The following ABHD6 variants were observed in gnomAD, a reference collection of about 807,000 sequenced individuals.
ABHD6 encodes the protein monoacylglycerol lipase ABHD6.
In ABHD6, 33 loss-of-function variants were observed where a neutral mutation model predicts 38.8. The observed-to-expected ratio is 0.85, with a 90% CI of 0.64 to 1.14. The LOEUF (loss-of-function observed/expected upper bound fraction) is 1.14. Among genes scored for constraint, ABHD6 ranks in the 50% most tolerant of loss-of-function variants. The pLI, the probability that ABHD6 is intolerant of heterozygous loss-of-function variation, is 0.00. For synonymous variants in ABHD6, 147 were observed against 161.6 expected (o/e 0.91, Z 0.69); for missense variants, 380 against 422.6 (o/e 0.90, Z 0.88).
At chr3:58,254,782 T>C (rs2097432109) in intron 2 of ABHD6, among the ~76,000 whole-genome samples, 1 of 150,386 alleles carries the variant, frequency 6.6e-6, no homozygotes, top group South Asian at 2.1e-4. Flanking sequence ...ACTTGAAATA[T>C]ATATTTATTA....
chr3:58,245,091 C>G lies in ABHD6; in HGVS notation c.-90-4787C>G, dbSNP rs146333650. ...GCCAAAGCCTGCCAGTGTTTATTAA[C>G]AGGGCTCATTTTTTTGTTTAACATC... On this transcript the variant is annotated intron_variant, in intron 1 of 9. Transcript: ENST00000478253. Among the ~76,000 whole-genome samples, 397 of 152,278 alleles carry G rather than the reference C, an allele frequency of 2.6e-3. 1 individual carries two copies. The highest frequency in any genetic ancestry group is 8.8e-3 in the African/African-American group (367 of 41,558).
Position 58,267,590 on chromosome 3 carries a change from G to C in ABHD6, c.276+245G>C, listed in dbSNP as rs1225425870. Among the ~76,000 whole-genome samples, 1 of 151,952 alleles carries C rather than the reference G, an allele frequency of 6.6e-6. No individual in the cohort carries two copies. The highest frequency in any genetic ancestry group is 1.5e-5 in the Non-Finnish European group (1 of 67,962). On this transcript the variant is annotated intron_variant, in intron 4 of 9. Transcript: ENST00000478253. The surrounding 1 kb of genome is among the most constrained non-coding windows in gnomAD (Gnocchi z 4.3). ...TGAGGTGGGAAGATTGCTTGAGCCT[G>C]GGGGGTCAAGTCTTCAGTGAGCAAT...
chr3:58,289,673 CTT>C (rs1189760972), intron 9 of ABHD6, among the ~76,000 whole-genome samples: 2 of 152,232 alleles, frequency 1.3e-5, no homozygotes. Context: ...ATTTCTCAAT[CTT>C]TTCCCCACCT....
At chr3:58,286,686 G>A (rs1329086215) in intron 9 of ABHD6, among the ~76,000 whole-genome samples, 1 of 151,016 alleles carries the variant, frequency 6.6e-6, no homozygotes, top group Non-Finnish European at 1.5e-5. Flanking sequence ...CCTATTCTAA[G>A]CACACGTATA....
intron 9 of ABHD6, among the ~76,000 whole-genome samples, chr3:58,291,946 T>G (rs1296282880): frequency 6.6e-6 from 1 of 151,392 alleles, no homozygotes; most frequent in Non-Finnish European, 1.5e-5. Context: ...CGAGACCCTG[T>G]CTCAAAAAAA....
intron 7 of ABHD6, among the ~76,000 whole-genome samples, chr3:58,276,463 GT>G (rs368886586): frequency 3.3e-5 from 5 of 150,922 alleles, no homozygotes; most frequent in East Asian, 1.9e-4. Flanking sequence ...TGATGGGGTT[GT>G]TTTTTTTTCT....
chr3:58,293,742 GACA>G lies in ABHD6; in HGVS notation c.999_1001del (p.Asn333del), dbSNP rs769994459. The G allele has an allele frequency of 9.3e-6, 15 of 1,614,058 alleles. No individual in the cohort carries two copies. The highest frequency in any genetic ancestry group is 1.6e-4 in the Middle Eastern group (1 of 6,084). ...CTTTTTAGCTTCTGTGCACAACACA[GACA>G]ACAACAAGAAGCTGGACTGAGGCCC... On this transcript the variant is annotated inframe_deletion, in exon 10 of 10. Transcript: ENST00000478253. This position sits in a 1 kb window ranked among gnomAD's most constrained non-coding sequence, Gnocchi z 4.4.
chr3:58,294,334 T>C lies in ABHD6; in HGVS notation c.*569T>C, dbSNP rs6924. The C allele has an allele frequency of 0.78, 119,814 of 152,908 alleles. 47,681 individuals are homozygous for C. The highest frequency in any genetic ancestry group is 1 in the East Asian group (5,166 of 5,178). The allele number at this position is 152,908 out of a possible 1,614,324, so 9.5% of individuals were successfully genotyped here. The stretch of plus-strand genomic sequence containing the variant: ...TTACACGCATGGAGGGGCATTGCTC[T>C]AGCCCTCAGAGCGTCCGGAGCAGCA... On this transcript the variant is annotated 3_prime_UTR_variant, in exon 10 of 10. Transcript: ENST00000478253.
chr3:58,258,417 A>G, intron 3 of ABHD6: 2 of 429,314 alleles, frequency 4.7e-6, no homozygotes, highest in Non-Finnish European at 9.5e-6. Context: ...AGCAGCGTGA[A>G]AGATGTAGCA....
intron 3 of ABHD6, among the ~76,000 whole-genome samples, chr3:58,264,434 CACACACACACATAT>C (rs57974582): frequency 0.13 from 16,463 of 128,668 alleles, 1,283 homozygotes; most frequent in African/African-American, 0.25. Context: ...CACACACACA[CACACACACACATAT>C]GCCAGGTGCA....
In ABHD6 at chr3:58,285,347, G is replaced by T; in HGVS notation, c.737-6G>T. The T allele has an allele frequency of 6.2e-7, 1 of 1,613,834 alleles. No homozygotes were observed. Among genetic ancestry groups the T allele is most frequent in the South Asian group, 1.1e-5 (1 of 91,056 alleles). On this transcript the variant is annotated splice_polypyrimidine_tract_variant and splice_region_variant and intron_variant, in intron 8 of 9. Transcript: ENST00000478253. This position sits in a 1 kb window ranked among gnomAD's most constrained non-coding sequence, Gnocchi z 4.9. ...CATACTCACTTTGTTTTCCTTTTCT[G>T]ACAAGTGTTTTTGGAAATCGTCAGT...
At position 58,266,626 on chromosome 3, in the gene ABHD6, G is replaced by A. The variant is rs901625787; in HGVS notation, c.120-563G>A. ...GACTTGGCTACTTCTTTAGTGTGAA[G>A]TATCTTACAAAGTGCACCTCTGATT... On this transcript the variant is annotated intron_variant, in intron 3 of 9. Transcript: ENST00000478253. This position sits in a 1 kb window ranked among gnomAD's most constrained non-coding sequence, Gnocchi z 4.0. 1.3e-5 allele frequency among the ~76,000 whole-genome samples: 2 copies of A among 152,226 alleles called. No homozygotes were observed. The highest frequency in any genetic ancestry group is 2.9e-5 in the Non-Finnish European group (2 of 68,040).
intron 9 of ABHD6, among the ~76,000 whole-genome samples, chr3:58,289,674 T>C (rs974176622): frequency 6.6e-6 from 1 of 152,196 alleles, no homozygotes; most frequent in African/African-American, 2.4e-5. Context: ...TTTCTCAATC[T>C]TTTCCCCACC....
intron 7 of ABHD6, among the ~76,000 whole-genome samples, chr3:58,283,727 G>A (rs751874068): frequency 3.5e-4 from 53 of 152,312 alleles, no homozygotes; most frequent in Middle Eastern, 3.4e-3. Flanking sequence ...TGGATGGATT[G>A]ATGAATACAG....
At chr3:58,282,190 T>C (rs1024949720) in intron 7 of ABHD6, among the ~76,000 whole-genome samples, 4 of 152,134 alleles carry the variant, frequency 2.6e-5, no homozygotes, top group African/African-American at 9.7e-5. Flanking sequence ...GACTAGATCC[T>C]GTAGGACCTT....
In ABHD6 at chr3:58,256,120, A is replaced by G. The variant is rs1411907472; in HGVS notation, c.-25-442A>G. 1.2e-5 allele frequency among the ~76,000 whole-genome samples: 1 copy of G among 81,372 alleles called. No homozygotes were observed. Among genetic ancestry groups the G allele is most frequent in the African/African-American group, 8.0e-5 (1 of 12,432 alleles). The allele number at this position is 81,372 out of a possible 152,430, so 53.4% of individuals were successfully genotyped here. A position where few individuals can be genotyped will look rare whatever the true frequency, so the allele number is the denominator to read the frequency against. On this transcript the variant is annotated intron_variant, in intron 2 of 9. Transcript: ENST00000478253. This position sits in a 1 kb window ranked among gnomAD's most constrained non-coding sequence, Gnocchi z 4.3. ...ACACACACACACACATACACACACT[A>G]CTTTTTCTCTCCTGAACCTTTAAAA...
chr3:58,264,048 T>G (rs1157867834), intron 3 of ABHD6, among the ~76,000 whole-genome samples: 1 of 152,162 alleles, frequency 6.6e-6, no homozygotes, highest in Admixed American at 6.5e-5. Flanking sequence ...CATCATGTCA[T>G]AAATATTTTT....
chr3:58,283,666 T>TTGGA (rs370728623), intron 7 of ABHD6, among the ~76,000 whole-genome samples: 7 of 152,038 alleles, frequency 4.6e-5, no homozygotes, highest in East Asian at 1.9e-4. Context: ...GGCTGAATGG[T>TTGGA]TGGATGGATG....
At position 58,257,395 on chromosome 3, in the gene ABHD6, C is replaced by G. The variant is rs2097434159; in HGVS notation, c.119+690C>G. ...TGGTTTTTTTTTTGAAACAGTCTCC[C>G]TCTGTCACCTAGGCTGGAGTGCAGT... On this transcript the variant is annotated intron_variant, in intron 3 of 9. Coordinates refer to ENST00000478253, the MANE Select transcript of ABHD6 (RefSeq NM_001320126.2). This position sits in a 1 kb window ranked among gnomAD's most constrained non-coding sequence, Gnocchi z 4.8. Among the ~76,000 whole-genome samples the G allele has an allele frequency of 6.6e-6, 1 of 151,736 alleles. No individual in the cohort carries two copies. The highest frequency in any genetic ancestry group is 2.1e-4 in the South Asian group (1 of 4,812).
Sources: allele counts gnomAD v4.1 joint callset (sites outside exome capture counted in the v4.1 genomes callset), GRCh38; gene constraint gnomAD v4.1.1; non-coding constraint Gnocchi (gnomAD v3.1); transcripts MANE v1.5; gene names NCBI Gene and HGNC (gene_info 2026-07-23, HGNC 2026-07-21).